The following SLC4A1AP variants were observed in gnomAD, a reference collection of about 807,000 sequenced individuals.
SLC4A1AP encodes kanadaptin.
SLC4A1AP carries 64 observed loss-of-function variants against 89.7 expected under a neutral mutation model. The ratio of observed to expected loss-of-function variants is 0.71; its 90% CI spans 0.58 to 0.88. SLC4A1AP has a LOEUF of 0.88. Among genes scored for constraint, SLC4A1AP ranks in the 40% least tolerant of loss-of-function variants. SLC4A1AP has a pLI of 0.00. For synonymous variants in SLC4A1AP, 366 were observed against 353.3 expected, an observed-to-expected ratio of 1.04 and a Z score of -0.40; for missense variants, 931 against 965.0, an observed-to-expected ratio of 0.96 and a Z score of 0.47.
chr2:27,676,942 C>T (rs1675533989), intron 6 of SLC4A1AP, among the ~76,000 whole-genome samples: 1 of 151,740 alleles, frequency 6.6e-6, no homozygotes, highest in African/African-American at 2.4e-5. Context: ...AGATTGAGAC[C>T]ATCCTGGCCA....
chr2:27,675,877 G>C (rs1163349741), intron 6 of SLC4A1AP, among the ~76,000 whole-genome samples, 185 bp downstream of exon 6: 1 of 151,990 alleles, frequency 6.6e-6, no homozygotes, highest in Admixed American at 6.6e-5. Context: ...CAAGTTGTTT[G>C]AAAAAAATAT....
exon 4 of SLC4A1AP, chr2:27,668,856 A>G: frequency 1.9e-6 from 3 of 1,614,104 alleles, no homozygotes; most frequent in South Asian, 2.2e-5. Context: ...AAGAATTAGA[A>G]TATGAATTTG....
At chr2:27,672,485 C>A (rs963711165) in intron 5 of SLC4A1AP, among the ~76,000 whole-genome samples, 5 of 151,990 alleles carry the variant, frequency 3.3e-5, no homozygotes, top group African/African-American at 4.8e-5. Flanking sequence ...TCTAAAAGTT[C>A]ATTTTTGGTT....
chr2:27,682,427 C>T, intron 9 of SLC4A1AP, 68 bp downstream of exon 9: 1 of 969,702 alleles, frequency 1.0e-6, no homozygotes, highest in Non-Finnish European at 1.6e-6. Flanking sequence ...TTTCTCTTTT[C>T]TTTTTTGAAA....
rs1384030570 is a variant in SLC4A1AP, at chr2:27,669,450, A to C, written c.1345+63A>C. 2.1e-6 allele frequency: 3 copies of C among 1,407,762 alleles called. No individual in the cohort carries two copies. In the African/African-American group the frequency reaches 4.4e-5, roughly 20 times the overall value. The allele number at this position is 1,407,762 out of a possible 1,614,324, so 87.2% of individuals were successfully genotyped here. A position where few individuals can be genotyped will look rare whatever the true frequency, so the allele number is the denominator to read the frequency against. On this transcript the variant is annotated intron_variant, in intron 5 of 13. Transcript: ENST00000613058. ...AAAGGAAAACTCAACACAAACGCTAATAAAACTTCTTTATGGGGGGAAAAT... is the reference window on the plus strand; with the variant it reads ...AAAGGAAAACTCAACACAAACGCTACTAAAACTTCTTTATGGGGGGAAAAT...
At chr2:27,694,497 T>A in intron 13 of SLC4A1AP, 137 bp from the exon 14 acceptor site, 1 of 508,178 alleles carries the variant, frequency 2.0e-6, no homozygotes, top group Non-Finnish European at 3.3e-6. Flanking sequence ...TGAAATTTCA[T>A]ACAAAAAGTA....
intron 13 of SLC4A1AP, among the ~76,000 whole-genome samples, chr2:27,694,333 C>T (rs1024989344): frequency 6.6e-6 from 1 of 152,040 alleles, no homozygotes; most frequent in Non-Finnish European, 1.5e-5. Flanking sequence ...ATACACACAC[C>T]CTTAAAGCAA....
intron 12 of SLC4A1AP, among the ~76,000 whole-genome samples, chr2:27,691,012 T>G (rs974458111): frequency 1.3e-5 from 2 of 152,108 alleles, no homozygotes; most frequent in Non-Finnish European, 2.9e-5. Flanking sequence ...TTTTTTGTTA[T>G]GTCCTTTCCT....
chr2:27,675,636 A>G, exon 6 of SLC4A1AP: 1 of 1,608,670 alleles, frequency 6.2e-7, no homozygotes, highest in Non-Finnish European at 8.5e-7. Flanking sequence ...GAAGCGTCTG[A>G]ACAGAATGAA....
At chr2:27,674,654 A>G (rs1026177174) in intron 5 of SLC4A1AP, among the ~76,000 whole-genome samples, 3 of 148,806 alleles carry the variant, frequency 2.0e-5, no homozygotes, top group African/African-American at 7.4e-5. Flanking sequence ...TCCTTTTTCA[A>G]ATTTTCTTTT....
At chr2:27,681,859 G>A (rs764485124) in intron 8 of SLC4A1AP, among the ~76,000 whole-genome samples, 3 of 152,002 alleles carry the variant, frequency 2.0e-5, no homozygotes, top group Non-Finnish European at 4.4e-5. Context: ...CGCTTAAGTG[G>A]GAGCTCCAGA....
In SLC4A1AP at chr2:27,667,063, G is replaced by T. The variant is rs376994315; in HGVS notation, c.1022-205G>T. Among the ~76,000 whole-genome samples, 16 of 152,038 alleles carry T rather than the reference G, an allele frequency of 1.1e-4. No individual in the cohort carries two copies. In the East Asian group the frequency reaches 3.1e-3, roughly 29 times the overall value. On this transcript the variant is annotated intron_variant, in intron 2 of 13. Transcript: ENST00000613058. ...TTTTTGTATTTTTAGTAGAGATGGG[G>T]TTTCACCATGTTGGCCAAGCTGGTC...
In SLC4A1AP at chr2:27,665,241, AG is replaced by A; in HGVS notation, c.969del (p.Lys324ArgfsTer2). On this transcript the variant is annotated frameshift_variant, in exon 2 of 14. Transcript: ENST00000613058. LOFTEE classifies it high-confidence loss of function. The stretch of plus-strand genomic sequence containing the variant: ...AGAAGAGGAAATGGATACCTCTGAA[AG>A]GAAGATAAATGCTGGTAGCCAAGAT... 1 of 1,613,140 alleles carries A rather than the reference AG, an allele frequency of 6.2e-7. No homozygotes were observed. Among genetic ancestry groups the A allele is most frequent in the Non-Finnish European group, 8.5e-7 (1 of 1,179,520 alleles).
At chr2:27,670,747 G>A (rs1675412756) in intron 5 of SLC4A1AP, among the ~76,000 whole-genome samples, 1 of 151,692 alleles carries the variant, frequency 6.6e-6, no homozygotes, top group Non-Finnish European at 1.5e-5. Context: ...TGTAGTCCCG[G>A]CCACTTGGGA....
intron 10 of SLC4A1AP, among the ~76,000 whole-genome samples, chr2:27,687,440 T>A (rs906475390): frequency 2.0e-5 from 3 of 150,668 alleles, no homozygotes; most frequent in South Asian, 2.1e-4. Context: ...AAAAAAAAAA[T>A]ATTGGCCAGG....
At chr2:27,666,506 G>T (rs1675326170) in intron 2 of SLC4A1AP, among the ~76,000 whole-genome samples, 1 of 151,990 alleles carries the variant, frequency 6.6e-6, no homozygotes, top group African/African-American at 2.4e-5. Flanking sequence ...CTGAGTATTG[G>T]GATTGGTATT....
At chr2:27,673,567 G>A (rs1229939877) in intron 5 of SLC4A1AP, among the ~76,000 whole-genome samples, 3 of 151,482 alleles carry the variant, frequency 2.0e-5, no homozygotes, top group Non-Finnish European at 2.9e-5. Flanking sequence ...GGGCTCAAGC[G>A]ATCCTCCCGC....
intron 8 of SLC4A1AP, among the ~76,000 whole-genome samples, chr2:27,681,373 G>A (rs1272216769): frequency 1.3e-5 from 2 of 152,192 alleles, no homozygotes; most frequent in East Asian, 1.9e-4. Flanking sequence ...GTAGTAGCAA[G>A]TGGGGCTTCA....
At chr2:27,694,540 A>T in intron 13 of SLC4A1AP, 94 bp from the exon 14 acceptor site, 1 of 874,810 alleles carries the variant, frequency 1.1e-6, no homozygotes, top group East Asian at 2.9e-5. Flanking sequence ...CTTTTTGTCT[A>T]TTTTACTTTT....
Sources: allele counts gnomAD v4.1 joint callset (sites outside exome capture counted in the v4.1 genomes callset), GRCh38; gene constraint gnomAD v4.1.1; transcripts MANE v1.5; gene names NCBI Gene and HGNC (gene_info 2026-07-23, HGNC 2026-07-21).